TGIF1: variants seen among roughly 807,000 people sequenced by gnomAD.
TGIF1 encodes TGFB induced factor homeobox 1, also known as homeobox protein TGIF1.
TGIF1 carries 4 observed loss-of-function variants against 19.3 expected under a neutral mutation model. The observed-to-expected ratio is 0.21, with a 90% confidence interval of 0.10 to 0.47. The LOEUF is 0.47. TGIF1 is among the 20% of genes least tolerant of loss of function. The pLI, the probability that TGIF1 is intolerant of heterozygous loss-of-function variation, is 0.98. For missense variants in TGIF1, 275 were observed against 341.4 expected (o/e 0.81, Z 1.53); for synonymous variants, 122 against 129.3 (o/e 0.94, Z 0.38).
intron 2 of TGIF1, among the ~76,000 whole-genome samples, chr18:3,427,708 T>A (rs1598864408): frequency 6.6e-6 from 1 of 150,728 alleles, no homozygotes; most frequent in Admixed American, 6.6e-5. Flanking sequence ...CAAGCAATTC[T>A]CCTGCCTCAG....
At chr18:3,450,835 T>G (rs1399520775) in intron 1 of TGIF1, among the ~76,000 whole-genome samples, 2 of 152,104 alleles carry the variant, frequency 1.3e-5, no homozygotes, top group East Asian at 3.9e-4. Context: ...GGCTTCTCGC[T>G]CTTTCTCGCG....
intron 1 of TGIF1, among the ~76,000 whole-genome samples, chr18:3,452,979 C>T (rs1323822223): frequency 1.3e-5 from 2 of 152,148 alleles, no homozygotes; most frequent in African/African-American, 2.4e-5. Flanking sequence ...TCTTTTTGCT[C>T]CCAGTTTTTA....
intron 2 of TGIF1, among the ~76,000 whole-genome samples, chr18:3,424,829 T>C (rs1243334337): frequency 3.3e-5 from 5 of 152,204 alleles, no homozygotes; most frequent in African/African-American, 4.8e-5. Flanking sequence ...GGGAGGGTGA[T>C]ATGCCTGGAG....
intron 1 of TGIF1, among the ~76,000 whole-genome samples, chr18:3,417,685 A>G (rs573822907): frequency 1.4e-3 from 207 of 152,338 alleles, no homozygotes; most frequent in African/African-American, 4.6e-3. Context: ...ACAAAAATAG[A>G]TATTTCCAAA....
chr18:3,423,793 T>C (rs759912968), intron 2 of TGIF1, among the ~76,000 whole-genome samples: 4 of 152,080 alleles, frequency 2.6e-5, no homozygotes, highest in Non-Finnish European at 4.4e-5. Context: ...AGGTCAAGGC[T>C]GCAGTGAGCT....
upstream of TGIF1, among the ~76,000 whole-genome samples, chr18:3,448,910 A>G (rs2082810608): frequency 6.6e-6 from 1 of 151,948 alleles, no homozygotes; most frequent in African/African-American, 2.4e-5. Context: ...CCCAGACTGG[A>G]GGCAGACCCG....
chr18:3,451,982 G>T lies in TGIF1; in HGVS notation c.16+1477G>T. ...GTGAGGGGCTCTGTGTTTCGAGGAT[G>T]GTTCTAGCGCAGAGCCGGGTGTCTG... On this transcript the variant is annotated intron_variant, in intron 1 of 2. Transcript: ENST00000343820. The surrounding 1 kb of genome is among the most constrained non-coding windows in gnomAD (Gnocchi z 5.4). 6.3e-7 allele frequency: 1 copy of T among 1,581,506 alleles called. No homozygotes were observed. The highest frequency in any genetic ancestry group is 8.6e-7 in the Non-Finnish European group (1 of 1,161,886).
chr18:3,443,860 T>C (rs1396717392), intron 2 of TGIF1, among the ~76,000 whole-genome samples: 1 of 111,388 alleles, frequency 9.0e-6, no homozygotes, highest in Non-Finnish European at 2.1e-5. Flanking sequence ...TTGTTTTAAG[T>C]AGTAAATAAA....
intron 2 of TGIF1, among the ~76,000 whole-genome samples, chr18:3,428,457 G>A (rs1018023802): frequency 6.6e-6 from 1 of 151,710 alleles, no homozygotes. Context: ...TATTTTGGCC[G>A]GGTATGGTGG....
chr18:3,459,726 T>C lies in TGIF1; in HGVS notation c.*1786T>C, dbSNP rs1223528983. 1 of 152,208 alleles carries C rather than the reference T, an allele frequency of 6.6e-6. No homozygotes were observed. The highest frequency in any genetic ancestry group is 1.5e-5 in the Non-Finnish European group (1 of 68,038). The allele number at this position is 152,208 out of a possible 1,614,324, so 9.4% of individuals were successfully genotyped here. On this transcript the variant is annotated 3_prime_UTR_variant, in exon 3 of 3. Coordinates refer to ENST00000343820, the MANE Select transcript of TGIF1 (RefSeq NM_003244.4). Reference sequence around the variant, plus strand: ...TGGAAGGAGAAGGAAAGGAGCCATATGACTCATTTAAAAGAAAAACTGTAA... The same window carrying C: ...TGGAAGGAGAAGGAAAGGAGCCATACGACTCATTTAAAAGAAAAACTGTAA...
intron 2 of TGIF1, among the ~76,000 whole-genome samples, chr18:3,426,430 A>C (rs2082470343): frequency 6.6e-6 from 1 of 151,902 alleles, no homozygotes; most frequent in Non-Finnish European, 1.5e-5. Flanking sequence ...CTGCCTCCCA[A>C]AGTGCTGGCA....
intron 1 of TGIF1, among the ~76,000 whole-genome samples, chr18:3,454,483 ATTAAC>A (rs772156435): frequency 1.3e-4 from 19 of 143,694 alleles, no homozygotes; most frequent in Non-Finnish European, 2.1e-4. Context: ...TAGTCATTTA[ATTAAC>A]TTAACACTTT....
chr18:3,451,174 G>A lies in TGIF1; in HGVS notation c.16+669G>A, dbSNP rs2082912720. ...AATTTTGGGGCAGGAGGAAGAGTTA[G>A]CACCCAGGGCCAGCAGCTTCAAGCG... On this transcript the variant is annotated intron_variant, in intron 1 of 2. Coordinates refer to ENST00000343820, the MANE Select transcript of TGIF1 (RefSeq NM_003244.4). This position sits in a 1 kb window ranked among gnomAD's most constrained non-coding sequence, Gnocchi z 5.4. 6.6e-6 allele frequency among the ~76,000 whole-genome samples: 1 copy of A among 152,190 alleles called. No homozygotes were observed. Among genetic ancestry groups the A allele is most frequent in the African/African-American group, 2.4e-5 (1 of 41,448 alleles).
intron 2 of TGIF1, among the ~76,000 whole-genome samples, chr18:3,424,589 T>A (rs938281673): frequency 1.4e-5 from 1 of 69,930 alleles, no homozygotes; most frequent in African/African-American, 5.5e-5. Flanking sequence ...GACCTTTGGG[T>A]GGGTGGGTAG....
chr18:3,445,752 A>AAAAAAAAC (rs1568041600), upstream of TGIF1, among the ~76,000 whole-genome samples: 1 of 115,002 alleles, frequency 8.7e-6, no homozygotes, highest in Non-Finnish European at 1.6e-5. Flanking sequence ...AAAAAAAAAA[A>AAAAAAAAC]AGAGAAGAAA....
intron 2 of TGIF1, among the ~76,000 whole-genome samples, chr18:3,426,439 C>G (rs8083845): frequency 0.21 from 32,522 of 151,904 alleles, 3,700 homozygotes; most frequent in African/African-American, 0.26. Context: ...AAAGTGCTGG[C>G]ATTACAGGCA....
At position 3,456,262 on chromosome 18, in the gene TGIF1, C is replaced by T. The variant is rs2049350193; in HGVS notation, c.17-92C>T. ...TCCTCGCTCTCAGTTGTTGGGAAAG[C>T]ATGGTTACATTGAATGGTCAGCGTT... On this transcript the variant is annotated intron_variant, in intron 1 of 2. Transcript: ENST00000343820. The surrounding 1 kb of genome is among the most constrained non-coding windows in gnomAD (Gnocchi z 4.2). 3.3e-6 allele frequency: 4 copies of T among 1,205,126 alleles called. No homozygotes were observed. The highest frequency in any genetic ancestry group is 3.4e-5 in the Admixed American group (2 of 59,544). The allele number at this position is 1,205,126 out of a possible 1,614,324, so 74.7% of individuals were successfully genotyped here.
chr18:3,447,967 G>C (rs1217171716), upstream of TGIF1: 2 of 896,474 alleles, frequency 2.2e-6, no homozygotes, highest in Non-Finnish European at 2.7e-6. Flanking sequence ...AAGTCCACTT[G>C]GACGAAAGCA....
chr18:3,420,283 T>C lies in TGIF1; in HGVS notation c.-45+2068T>C, dbSNP rs374933842. Among the ~76,000 whole-genome samples, 64 of 152,166 alleles carry C rather than the reference T, an allele frequency of 4.2e-4. 3 individuals carry two copies. The highest frequency in any genetic ancestry group is 1.4e-3 in the African/African-American group (59 of 41,514). On this transcript the variant is annotated intron_variant, in intron 2 of 3. Coordinates refer to the TGIF1 transcript ENST00000401449. ...GTCATCCCAGCTACTCAGAGGAGGCTGAGGCAGAAGAATCACTTGAATCCA... is the reference window on the plus strand; with the variant it reads ...GTCATCCCAGCTACTCAGAGGAGGCCGAGGCAGAAGAATCACTTGAATCCA...
Sources: gnomAD v4.1 joint callset for allele counts (sites outside exome capture counted in the v4.1 genomes callset) on GRCh38, gnomAD v4.1.1 for gene constraint, Gnocchi (gnomAD v3.1) non-coding constraint, MANE v1.5 for transcripts, NCBI Gene and HGNC (gene_info 2026-07-23, HGNC 2026-07-21) for gene names.